LIMA1: variants seen among roughly 807,000 people sequenced by gnomAD.
LIMA1 encodes LIM domain and actin-binding protein 1.
In LIMA1, 52 loss-of-function variants were observed where a neutral mutation model predicts 62.6. That is an observed-to-expected ratio of 0.83 (90% CI 0.67 to 1.05). LIMA1 has a LOEUF of 1.05. Among genes scored for constraint, LIMA1 ranks in the 50% least tolerant of loss-of-function variants. The pLI is 0.00. For synonymous variants in LIMA1, 302 were observed against 317.8 expected, an observed-to-expected ratio of 0.95 and a Z score of 0.53; for missense variants, 780 against 902.2, an observed-to-expected ratio of 0.86 and a Z score of 1.74.
chr12:50,228,064 T>C (rs1941558918), intron 3 of LIMA1, among the ~76,000 whole-genome samples: 1 of 152,060 alleles, frequency 6.6e-6, no homozygotes, highest in Non-Finnish European at 1.5e-5. Context: ...TTCACCGTGT[T>C]AGCCAGGATG....
intron 4 of LIMA1, among the ~76,000 whole-genome samples, chr12:50,206,497 C>T (rs1941156392): frequency 6.6e-6 from 1 of 152,180 alleles, no homozygotes; most frequent in Admixed American, 6.6e-5. Context: ...TTAACTGGTT[C>T]TTCATTATCT....
chr12:50,210,749 A>G (rs1388877781), intron 4 of LIMA1, among the ~76,000 whole-genome samples: 5 of 152,370 alleles, frequency 3.3e-5, no homozygotes, highest in Admixed American at 3.3e-4. Flanking sequence ...GGTTAATTAA[A>G]TAAGGCCCCC....
chr12:50,239,996 A>AATAACATAACATAACATAAC (rs373467242), intron 2 of LIMA1, among the ~76,000 whole-genome samples: 4 of 128,688 alleles, frequency 3.1e-5, no homozygotes, highest in East Asian at 2.6e-4. Flanking sequence ...TCTATCTCAA[A>AATAACATAACATAACATAAC]ATAACATAAC....
At chr12:50,178,896 G>T (rs1031802668) in intron 10 of LIMA1, among the ~76,000 whole-genome samples, 7 of 151,750 alleles carry the variant, frequency 4.6e-5, no homozygotes, top group Non-Finnish European at 7.4e-5. Context: ...TTTCTGGGTA[G>T]CCATCATCAA....
chr12:50,260,062 C>T (rs900896331), intron 1 of LIMA1, among the ~76,000 whole-genome samples: 2 of 152,076 alleles, frequency 1.3e-5, no homozygotes, highest in Non-Finnish European at 2.9e-5. Context: ...CACTTACTCT[C>T]AACTCATCAA....
At chr12:50,210,662 T>C (rs1941240109) in intron 4 of LIMA1, among the ~76,000 whole-genome samples, 1 of 152,190 alleles carries the variant, frequency 6.6e-6, no homozygotes, top group African/African-American at 2.4e-5. Flanking sequence ...AGCATACACC[T>C]TGCCAGGGCA....
intron 4 of LIMA1, among the ~76,000 whole-genome samples, chr12:50,218,926 A>C (rs950348491): frequency 1.3e-5 from 2 of 151,734 alleles, no homozygotes; most frequent in African/African-American, 4.9e-5. Flanking sequence ...CAAAAAAAAA[A>C]CGCATTTCAA....
intron 1 of LIMA1, among the ~76,000 whole-genome samples, chr12:50,272,923 G>A (rs532326783): frequency 1.5e-3 from 233 of 151,184 alleles, no homozygotes; most frequent in African/African-American, 4.7e-3. Context: ...TGTGGCGGGC[G>A]CCTGTAGTCC....
At position 50,177,515 on chromosome 12, in the gene LIMA1, G is replaced by T; in HGVS notation, c.1829C>A (p.Pro610Gln). The change falls in exon 11 of 11, where the codon CCA (proline) becomes CAA (glutamine). Residue 610 changes from proline (P) to glutamine (Q), a missense_variant. Pro to Gln is a moderately conservative substitution (Grantham distance 76). Transcript: ENST00000341247. ...CATGCTCCAGCCTTTCCTGATAGGT[G>T]GGGACACAGTTTTTGGGCTCTTGAC... ...TSVKSPKTVS[P>Q]PIRKGWSMSE... 1 of 1,612,322 alleles carries T rather than the reference G, an allele frequency of 6.2e-7. No individual in the cohort carries two copies. Among genetic ancestry groups the T allele is most frequent in the Non-Finnish European group, 8.5e-7 (1 of 1,179,294 alleles).
At chr12:50,257,914 G>C (rs1450387898) in intron 1 of LIMA1, among the ~76,000 whole-genome samples, 4 of 152,126 alleles carry the variant, frequency 2.6e-5, no homozygotes, top group Non-Finnish European at 5.9e-5. Context: ...TTTATATTAG[G>C]ATGGTTTCAT....
In LIMA1 at chr12:50,244,079, C is replaced by T. The variant is rs1363636657; in HGVS notation, c.119+4554G>A. ...ACAGGCACGCACCACCACCGCCCAG[C>T]TAAATTTTTGTATTTTTTTGTATTA... On this transcript the variant is annotated intron_variant, in intron 2 of 10. Transcript: ENST00000341247. Among the ~76,000 whole-genome samples the T allele has an allele frequency of 2.0e-5, 3 of 149,656 alleles. No individual in the cohort carries two copies. In the Admixed American group the frequency reaches 2.0e-4, roughly 10 times the overall value.
Position 50,199,976 on chromosome 12 carries a change from A to AT in LIMA1, c.972+800dup, listed in dbSNP as rs1373999992. ...TGGTGTGACCTCAGCCCACTGCAAC[A>AT]TCCGCCTCCTGGGTTCAAGCGATTC... On this transcript the variant is annotated intron_variant, in intron 7 of 10. Coordinates refer to ENST00000341247, the MANE Select transcript of LIMA1 (RefSeq NM_016357.5). Among the ~76,000 whole-genome samples the AT allele has an allele frequency of 3.8e-4, 57 of 151,638 alleles. No homozygotes were observed. In the East Asian group the frequency reaches 0.011, roughly 28 times the overall value.
chr12:50,249,739 T>G (rs950263471), intron 1 of LIMA1: 1 of 151,806 alleles, frequency 6.6e-6, no homozygotes, highest in Non-Finnish European at 1.5e-5. Flanking sequence ...ATTTGAAGAG[T>G]GAAAAATATA....
chr12:50,181,290 G>A (rs1422386794), intron 10 of LIMA1, among the ~76,000 whole-genome samples: 1 of 152,116 alleles, frequency 6.6e-6, no homozygotes, highest in Non-Finnish European at 1.5e-5. Flanking sequence ...TCTTTCAAGA[G>A]TATTTTAGGA....
intron 9 of LIMA1, chr12:50,189,391 A>C (rs1940701275): frequency 6.6e-6 from 1 of 152,154 alleles, no homozygotes; most frequent in South Asian, 2.1e-4. Flanking sequence ...CAGAGGTATA[A>C]GCACGGCAGA....
chr12:50,175,959 A>C lies in LIMA1; in HGVS notation c.*1105T>G, dbSNP rs1940324542. The C allele has an allele frequency of 6.6e-6, 1 of 152,208 alleles. No homozygotes were observed. The highest frequency in any genetic ancestry group is 2.4e-5 in the African/African-American group (1 of 41,454). The allele number at this position is 152,208 out of a possible 1,614,324, so 9.4% of individuals were successfully genotyped here. On this transcript the variant is annotated 3_prime_UTR_variant, in exon 11 of 11. Transcript: ENST00000341247. ...TCTCCCTCCCATCCATACAATTTGG[A>C]ATATCAACTGTGTACAACAAATGTA...
chr12:50,224,722 C>CA (rs1460401043), intron 3 of LIMA1, among the ~76,000 whole-genome samples: 1 of 152,078 alleles, frequency 6.6e-6, no homozygotes, highest in Non-Finnish European at 1.5e-5. Flanking sequence ...TATAAGACAG[C>CA]ATGATCCTAT....
chr12:50,192,644 G>T, intron 8 of LIMA1, 83 bp from the exon 9 acceptor site: 1 of 944,382 alleles, frequency 1.1e-6, no homozygotes, highest in Non-Finnish European at 1.7e-6. Context: ...CAAAGTTTGG[G>T]CACTTTCATT....
At chr12:50,200,653 C>T (rs1370044287) in intron 7 of LIMA1, 124 bp downstream of exon 7, 1 of 1,054,168 alleles carries the variant, frequency 9.5e-7, no homozygotes. Context: ...GGCAATCTGT[C>T]CTGGCAGCTG....
Sources: gnomAD v4.1 joint callset for allele counts (sites outside exome capture counted in the v4.1 genomes callset) on GRCh38, gnomAD v4.1.1 for gene constraint, MANE v1.5 for transcripts, NCBI Gene and HGNC (gene_info 2026-07-23, HGNC 2026-07-21) for gene names.